The following ARK2C variants were observed in gnomAD, a reference collection of about 807,000 sequenced individuals.
ARK2C encodes the protein arkadia (RNF111) C-terminal like ring finger ubiquitin ligase 2C.
the ARK2C span, among the ~76,000 whole-genome samples, chr18:46,364,713 C>T: frequency 2.0e-5 from 3 of 152,200 alleles, no homozygotes; most frequent in Non-Finnish European, 4.4e-5. Flanking sequence ...TGTCCTGAGG[C>T]TCTCTCTGCC....
the ARK2C span, chr18:46,461,842 T>C: frequency 6.6e-6 from 1 of 152,206 alleles, no homozygotes; most frequent in African/African-American, 2.4e-5. Flanking sequence ...TGGACACGTA[T>C]AGGACGTGCC....
chr18:46,405,574 G>A, the ARK2C span, among the ~76,000 whole-genome samples: 7 of 152,272 alleles, frequency 4.6e-5, no homozygotes, highest in Admixed American at 2.6e-4. Flanking sequence ...AGGAGACAGC[G>A]CAAGAGGAAA....
chr18:46,371,207 C>A, the ARK2C span, among the ~76,000 whole-genome samples: 247 of 152,288 alleles, frequency 1.6e-3, 1 homozygote, highest in Middle Eastern at 3.4e-3. Context: ...TTATCTCCAC[C>A]TGGCCCTGCC....
chr18:46,382,474 A>G, the ARK2C span, among the ~76,000 whole-genome samples: 1 of 152,176 alleles, frequency 6.6e-6, no homozygotes, highest in African/African-American at 2.4e-5. Flanking sequence ...CCCTCCCCTT[A>G]TATGCAATGA....
chr18:46,349,821 C>T, the ARK2C span, among the ~76,000 whole-genome samples: 2 of 152,190 alleles, frequency 1.3e-5, no homozygotes, highest in African/African-American at 2.4e-5. Flanking sequence ...TGCACACGAT[C>T]CACCCAGCAC....
chr18:46,360,444 G>T, the ARK2C span, among the ~76,000 whole-genome samples: 1 of 152,214 alleles, frequency 6.6e-6, no homozygotes, highest in East Asian at 1.9e-4. Flanking sequence ...GGAACTCAGG[G>T]TTCCTGAGGA....
At chr18:46,437,300 G>A in the ARK2C span, among the ~76,000 whole-genome samples, 1 of 152,160 alleles carries the variant, frequency 6.6e-6, no homozygotes, top group Non-Finnish European at 1.5e-5. Context: ...GTGGCGCCGA[G>A]GGGTTTTGTG....
the ARK2C span, among the ~76,000 whole-genome samples, chr18:46,442,031 C>T: frequency 4.1e-4 from 62 of 150,872 alleles, no homozygotes; most frequent in East Asian, 6.4e-3. Context: ...GGCATGGTGG[C>T]GCGCGCCTGT....
the ARK2C span, among the ~76,000 whole-genome samples, chr18:46,399,691 A>T: frequency 6.6e-6 from 1 of 152,064 alleles, no homozygotes; most frequent in Non-Finnish European, 1.5e-5. Context: ...TAGCAATGGG[A>T]GGCATCTCAT....
chr18:46,437,934 C>A, the ARK2C span, among the ~76,000 whole-genome samples: 3 of 152,224 alleles, frequency 2.0e-5, no homozygotes, highest in African/African-American at 7.2e-5. Context: ...CCTTTCCCCT[C>A]CGGGCAACCT....
the ARK2C span, among the ~76,000 whole-genome samples, chr18:46,347,135 A>G: frequency 6.6e-6 from 1 of 152,176 alleles, no homozygotes; most frequent in Non-Finnish European, 1.5e-5. Context: ...CTGTTCCCCG[A>G]GGAGGAAGAG....
At chr18:46,420,366 A>G in the ARK2C span, among the ~76,000 whole-genome samples, 1 of 152,192 alleles carries the variant, frequency 6.6e-6, no homozygotes, top group South Asian at 2.1e-4. Context: ...AGGCAGAGGA[A>G]TAAAGCTACT....
the ARK2C span, among the ~76,000 whole-genome samples, chr18:46,367,796 T>C: frequency 6.6e-6 from 1 of 152,366 alleles, no homozygotes; most frequent in Middle Eastern, 3.4e-3. Context: ...TCAAGCCTTC[T>C]TGAGTGTCAG....
chr18:46,374,331 C>T, the ARK2C span, among the ~76,000 whole-genome samples: 9 of 152,290 alleles, frequency 5.9e-5, no homozygotes, highest in Middle Eastern at 3.4e-3. Flanking sequence ...GCATTCACAT[C>T]GCTGTGCTAT....
chr18:46,357,776 G>A, the ARK2C span, among the ~76,000 whole-genome samples: 1 of 152,254 alleles, frequency 6.6e-6, no homozygotes, highest in African/African-American at 2.4e-5. Flanking sequence ...CACACGCTGG[G>A]TGGCTTTAGA....
chr18:46,375,147 C>T, the ARK2C span, among the ~76,000 whole-genome samples: 1 of 152,228 alleles, frequency 6.6e-6, no homozygotes, highest in African/African-American at 2.4e-5. Context: ...CCAACTCCCC[C>T]CGCCCTCAGA....
the ARK2C span, chr18:46,457,059 A>T: frequency 1.8e-5 from 3 of 163,290 alleles, no homozygotes; most frequent in Non-Finnish European, 2.7e-5. Context: ...TGGCAGCCGG[A>T]GCATGTTAGC....
the ARK2C span, among the ~76,000 whole-genome samples, chr18:46,428,485 G>C: frequency 2.0e-5 from 3 of 152,160 alleles, no homozygotes; most frequent in Non-Finnish European, 4.4e-5. Flanking sequence ...AGTAAGCAGT[G>C]GTCACTGCTC....
chr18:46,334,171 C>T, the ARK2C span: 1 of 655,626 alleles, frequency 1.5e-6, no homozygotes, highest in Non-Finnish European at 1.9e-6. This position sits in a 1 kb window ranked among gnomAD's most constrained non-coding sequence, Gnocchi z 4.4. Flanking sequence ...CCTCCCGCCC[C>T]GGCGGCTCCC....
Sources: gnomAD v4.1 joint callset for allele counts (sites outside exome capture counted in the v4.1 genomes callset) on GRCh38, gnomAD v4.1.1 for gene constraint, Gnocchi (gnomAD v3.1) non-coding constraint, MANE v1.5 for transcripts, NCBI Gene and HGNC (gene_info 2026-07-23, HGNC 2026-07-21) for gene names.